LRRIQ3: variants seen among roughly 807,000 people sequenced by gnomAD.
LRRIQ3 encodes leucine-rich repeat and IQ domain-containing protein 3.
LRRIQ3 carries 75 observed loss-of-function variants against 59.3 expected under a neutral mutation model. That is an observed-to-expected ratio of 1.26 (90% CI 1.05 to 1.53). LRRIQ3 has a LOEUF of 1.53. LRRIQ3 is among the 40% of genes most tolerant of loss of function. The pLI is 0.00. For synonymous variants in LRRIQ3, 250 were observed against 231.3 expected, an observed-to-expected ratio of 1.08 and a Z score of -0.73; for missense variants, 831 against 710.0, an observed-to-expected ratio of 1.17 and a Z score of -1.94.
chr1:74,133,892 CA>C (rs887873335), intron 4 of LRRIQ3, among the ~76,000 whole-genome samples: 2 of 151,168 alleles, frequency 1.3e-5, no homozygotes, highest in East Asian at 2.0e-4. Flanking sequence ...ATAATCCTAC[CA>C]AAAAAAATCT....
At chr1:74,114,031 A>G (rs531751616) in intron 4 of LRRIQ3, among the ~76,000 whole-genome samples, 2 of 151,704 alleles carry the variant, frequency 1.3e-5, no homozygotes, top group Admixed American at 6.6e-5. Context: ...ATTGTTATAT[A>G]TATACACATA....
chr1:74,154,178 T>C (rs375029634), intron 4 of LRRIQ3, among the ~76,000 whole-genome samples: 2 of 131,318 alleles, frequency 1.5e-5, no homozygotes, highest in African/African-American at 5.8e-5. Context: ...AAGTCAGAGG[T>C]TGCAGCGAGC....
At position 74,041,547 on chromosome 1, in the gene LRRIQ3, T is replaced by C; in HGVS notation, c.1384A>G (p.Asn462Asp). 1 of 1,612,624 alleles carries C rather than the reference T, an allele frequency of 6.2e-7. No homozygotes were observed. Among genetic ancestry groups the C allele is most frequent in the Non-Finnish European group, 8.5e-7 (1 of 1,179,632 alleles). The change falls in exon 7 of 8, where the codon AAT (asparagine) becomes GAT (aspartate). Residue 462 changes from asparagine (N) to aspartate (D), a missense_variant. Asn to Asp is a conservative substitution (Grantham distance 23, BLOSUM62 1). Transcript: ENST00000354431. Reference sequence around the variant, plus strand: ...TTTTGTGTAGCATATTTTTTCTGATTCAAATGTTCATTAACAGCTACTCTA... The same window carrying C: ...TTTTGTGTAGCATATTTTTTCTGATCCAAATGTTCATTAACAGCTACTCTA... ...RVRVAVNEHL[N>D]QKKYATQKLI...
At chr1:74,159,488 C>T (rs1341040035) in intron 3 of LRRIQ3, among the ~76,000 whole-genome samples, 1 of 152,126 alleles carries the variant, frequency 6.6e-6, no homozygotes, top group East Asian at 1.9e-4. Flanking sequence ...TCTTGTAACT[C>T]AATTATTTTG....
intron 4 of LRRIQ3, among the ~76,000 whole-genome samples, chr1:74,132,502 G>A (rs957295619): frequency 2.6e-5 from 4 of 152,032 alleles, no homozygotes; most frequent in African/African-American, 9.7e-5. Context: ...GCATGGTACT[G>A]GTACCAAAAC....
chr1:74,157,112 G>A (rs1156685415), intron 3 of LRRIQ3, among the ~76,000 whole-genome samples: 1 of 151,850 alleles, frequency 6.6e-6, no homozygotes, highest in Non-Finnish European at 1.5e-5. Flanking sequence ...CCTTGGCTCT[G>A]TCTTTATTCT....
At chr1:74,131,048 A>G (rs1178198177) in intron 4 of LRRIQ3, among the ~76,000 whole-genome samples, 2 of 151,924 alleles carry the variant, frequency 1.3e-5, no homozygotes, top group African/African-American at 4.8e-5. Context: ...GATAATGGAG[A>G]TATTACCACC....
chr1:74,054,720 C>G (rs1365107473), intron 6 of LRRIQ3, among the ~76,000 whole-genome samples: 2 of 139,526 alleles, frequency 1.4e-5, no homozygotes, highest in Non-Finnish European at 3.1e-5. Context: ...TTATTAATTA[C>G]AAAAAGGAAG....
At chr1:74,059,940 A>G (rs563627021) in intron 6 of LRRIQ3, among the ~76,000 whole-genome samples, 21 of 152,148 alleles carry the variant, frequency 1.4e-4, no homozygotes, top group African/African-American at 4.8e-4. Context: ...GCTATTATAA[A>G]TAAAATTGTA....
chr1:74,081,339 G>C (rs1303776671), intron 5 of LRRIQ3, among the ~76,000 whole-genome samples: 1 of 151,528 alleles, frequency 6.6e-6, no homozygotes, highest in African/African-American at 2.4e-5. Context: ...AAAGATAATA[G>C]AAAGCTTATG....
chr1:74,156,705 G>C (rs1030540858), intron 3 of LRRIQ3, among the ~76,000 whole-genome samples: 6 of 152,044 alleles, frequency 3.9e-5, no homozygotes, highest in Admixed American at 3.9e-4. Flanking sequence ...TTTTGTTGTA[G>C]CTTAACTAGA....
Position 74,171,388 on chromosome 1 carries a change from C to T in LRRIQ3, c.573+11150G>A, listed in dbSNP as rs1649312740. Among the ~76,000 whole-genome samples the T allele has an allele frequency of 3.3e-5, 5 of 152,104 alleles. No homozygotes were observed. The South Asian group carries it at 1.0e-3, about 32-fold the overall frequency. ...TGAATTTTTGTCAAATGTTTTTCTGCATCTATGGAGATAATTGTGTGATTT... is the reference window on the plus strand; with the variant it reads ...TGAATTTTTGTCAAATGTTTTTCTGTATCTATGGAGATAATTGTGTGATTT... On this transcript the variant is annotated intron_variant, in intron 3 of 7. Coordinates refer to ENST00000354431, the MANE Select transcript of LRRIQ3 (RefSeq NM_001105659.2).
intron 4 of LRRIQ3, among the ~76,000 whole-genome samples, chr1:74,140,008 T>C (rs1246252006): frequency 6.6e-6 from 1 of 151,522 alleles, no homozygotes; most frequent in Admixed American, 6.6e-5. Flanking sequence ...GCAGGAAATA[T>C]GAGGGAGAAA....
chr1:74,057,001 C>A (rs1403680778), intron 6 of LRRIQ3, among the ~76,000 whole-genome samples: 1 of 152,184 alleles, frequency 6.6e-6, no homozygotes, highest in East Asian at 1.9e-4. Flanking sequence ...ATGTACCTTG[C>A]TTCCCCTTTG....
intron 6 of LRRIQ3, among the ~76,000 whole-genome samples, chr1:74,059,074 T>G (rs940314308): frequency 8.0e-5 from 12 of 149,470 alleles, no homozygotes; most frequent in African/African-American, 2.9e-4. Context: ...TTGTAAGATA[T>G]TTTTAATATT....
chr1:74,136,789 T>C (rs1402721170), intron 4 of LRRIQ3, among the ~76,000 whole-genome samples: 1 of 151,930 alleles, frequency 6.6e-6, no homozygotes, highest in East Asian at 1.9e-4. Context: ...TTCCACTCTC[T>C]TCACTATCAT....
rs201038115 is a variant in LRRIQ3, at chr1:74,182,719, T to C, written c.392A>G (p.Asp131Gly). The C allele has an allele frequency of 5.1e-4, 820 of 1,612,782 alleles. 11 individuals are homozygous for C. The highest frequency in any genetic ancestry group is 2.1e-5 in the Non-Finnish European group (25 of 1,179,046). ...TCCTTTTTTAAGGCTTACTGGACAA[T>C]CAAACATAGTGAGGGCAATGAGGGT... is the stretch of plus-strand genomic sequence containing the variant. ...CPTLIALTMF[D>G]CPVSLKKGYR... is the part of the protein sequence containing the mutation. The change falls in exon 3 of 8, where the codon GAT (aspartate) becomes GGT (glycine). Residue 131 changes from aspartate (D) to glycine (G), a missense_variant. By Grantham distance (94) the Asp-to-Gly change is moderately conservative. Coordinates refer to ENST00000354431, the MANE Select transcript of LRRIQ3 (RefSeq NM_001105659.2).
intron 5 of LRRIQ3, 104 bp from the exon 6 acceptor site, chr1:74,074,894 T>C (rs1181644602): frequency 1.7e-6 from 1 of 580,152 alleles, no homozygotes; most frequent in Non-Finnish European, 2.6e-6. Context: ...GATTTTCATT[T>C]AAAACATGAA....
intron 5 of LRRIQ3, among the ~76,000 whole-genome samples, chr1:74,098,436 C>T (rs1410184752): frequency 6.6e-6 from 1 of 152,138 alleles, no homozygotes; most frequent in Non-Finnish European, 1.5e-5. Context: ...GAGACTTAGA[C>T]TCCGACACAA....
Sources: allele counts gnomAD v4.1 joint callset (sites outside exome capture counted in the v4.1 genomes callset), GRCh38; gene constraint gnomAD v4.1.1; transcripts MANE v1.5; gene names NCBI Gene and HGNC (gene_info 2026-07-23, HGNC 2026-07-21).